Variants in SCAMP4 observed in about 807,000 individuals in gnomAD.
SCAMP4 encodes the protein secretory carrier-associated membrane protein 4.
SCAMP4 carries 19 observed loss-of-function variants against 32.1 expected under a neutral mutation model. The ratio of observed to expected loss-of-function variants is 0.59; its 90% CI spans 0.41 to 0.87. The LOEUF (loss-of-function observed/expected upper bound fraction) is 0.87, where lower values mean the gene tolerates loss of function less well. Ranked by LOEUF, SCAMP4 falls within the 40% of genes least tolerant of loss-of-function variation. SCAMP4 has a pLI of 0.00. For missense variants in SCAMP4, 302 were observed against 309.0 expected, an observed-to-expected ratio of 0.98 and a Z score of 0.17; for synonymous variants, 152 against 132.7, an observed-to-expected ratio of 1.15 and a Z score of -1.00.
chr19:1,906,850 C>G (rs79034979), intron 1 of SCAMP4: 1 of 66,396 alleles, frequency 1.5e-5, no homozygotes, highest in Non-Finnish European at 2.6e-5. Context: ...GACTCCGTCT[C>G]AAAAAAAAAA....
At chr19:1,921,315 G>C (rs1370480026) in intron 5 of SCAMP4, 1 of 985,344 alleles carries the variant, frequency 1.0e-6, no homozygotes, top group African/African-American at 1.7e-5. Flanking sequence ...CATGCCCGAG[G>C]CCATGAGCCA....
At position 1,918,272 on chromosome 19, in the gene SCAMP4, C is replaced by T. The variant is rs376049396; in HGVS notation, c.282C>T (p.Tyr94=). Residue 94 remains tyrosine (Y), a synonymous_variant, in exon 4 of 7, where the codon TAC becomes TAT. Transcript: ENST00000316097. Reference sequence around the variant, plus strand: ...ACGTGTGCTGGTTCCGGCCTGTCTACAAGGCCTTCCGGTGAGCAGAGCTGC... The same window carrying T: ...ACGTGTGCTGGTTCCGGCCTGTCTATAAGGCCTTCCGGTGAGCAGAGCTGC... ...CGYVCWFRPV[Y]KAFRADSSFN... 7.1e-5 allele frequency: 114 copies of T among 1,602,542 alleles called. 2 individuals carry two copies. The highest frequency in any genetic ancestry group is 2.5e-4 in the East Asian group (11 of 44,774).
At chr19:1,919,664 TTTC>T (rs1437644973) in intron 5 of SCAMP4, among the ~76,000 whole-genome samples, 1 of 150,390 alleles carries the variant, frequency 6.6e-6, no homozygotes, top group Non-Finnish European at 1.5e-5. Context: ...GCCTGGCTAA[TTTC>T]TTTTGTATTT....
intron 1 of SCAMP4, chr19:1,913,458 G>A (rs2013610425): frequency 4.1e-6 from 2 of 485,160 alleles, no homozygotes; most frequent in Non-Finnish European, 3.8e-6. Flanking sequence ...GTGGGTGTCT[G>A]TTAGGAGGTG....
rs1599260157 is a variant in SCAMP4 at position 1,924,380 on chromosome 19, C to A, written c.*96C>A. On this transcript the variant is annotated 3_prime_UTR_variant, in exon 7 of 7. Coordinates refer to ENST00000316097, the MANE Select transcript of SCAMP4 (RefSeq NM_079834.4). ...GGGCTGGGAGTACCTGGGGCCCCAT[C>A]CCCCCAGCTGGGATGGTGGAAGCCG... is the stretch of plus-strand genomic sequence containing the variant. 8.5e-7 allele frequency: 1 copy of A among 1,177,602 alleles called. No homozygotes were observed. Among genetic ancestry groups the A allele is most frequent in the Non-Finnish European group, 1.2e-6 (1 of 836,874 alleles). 72.9% of individuals were successfully genotyped at this position (1,177,602 alleles called of 1,614,324 possible).
intron 1 of SCAMP4, chr19:1,907,184 C>CAA (rs952315196): frequency 1.5e-5 from 2 of 135,308 alleles, no homozygotes; most frequent in Non-Finnish European, 1.6e-5. Flanking sequence ...GAGACTGTCC[C>CAA]AAAAAAAAAA....
Position 1,924,975 on chromosome 19 carries a change from T to G in SCAMP4, c.*691T>G, listed in dbSNP as rs1208333132. On this transcript the variant is annotated 3_prime_UTR_variant, in exon 7 of 7. Transcript: ENST00000316097. ...CAGGCTGTCTTTCCACGCCCCTGAG[T>G]TCAGAGTCGGGGACCCAGGCCAGGT... 6.6e-6 allele frequency: 1 copy of G among 152,326 alleles called. No individual in the cohort carries two copies. Among genetic ancestry groups the G allele is most frequent in the Admixed American group, 6.5e-5 (1 of 15,284 alleles). The allele number at this position is 152,326 out of a possible 1,614,324, so 9.4% of individuals were successfully genotyped here. A position where few individuals can be genotyped will look rare whatever the true frequency, so the allele number is the denominator to read the frequency against.
At chr19:1,921,311 C>T (rs1447439642) in intron 5 of SCAMP4, 4 of 985,322 alleles carry the variant, frequency 4.1e-6, no homozygotes, top group African/African-American at 1.7e-5. Flanking sequence ...GACGCATGCC[C>T]GAGGCCATGA....
chr19:1,919,263 C>T, intron 5 of SCAMP4: 1 of 1,309,580 alleles, frequency 7.6e-7, no homozygotes, highest in South Asian at 1.7e-5. Flanking sequence ...CAGCGCCCAG[C>T]CAGGCTTGTC....
chr19:1,914,889 A>C (rs2013676939), intron 1 of SCAMP4, 90 bp from the exon 2 acceptor site: 1 of 1,088,340 alleles, frequency 9.2e-7, no homozygotes, highest in African/African-American at 1.5e-5. Flanking sequence ...ACAGGGCACG[A>C]TGAAGGGCTT....
chr19:1,911,780 C>G lies in SCAMP4; in HGVS notation c.-41-3199C>G, dbSNP rs925322251. 6 of 361,416 alleles carry G rather than the reference C, an allele frequency of 1.7e-5. No homozygotes were observed. In the Admixed American group the frequency reaches 1.9e-4, roughly 11 times the overall value. The allele number at this position is 361,416 out of a possible 1,614,324, so 22.4% of individuals were successfully genotyped here. A position where few individuals can be genotyped will look rare whatever the true frequency, so the allele number is the denominator to read the frequency against. ...CCTGGGCGACAGCGAGACTCCGTCT[C>G]AGAAGTAAAAAAATAAAATAAAAAA... On this transcript the variant is annotated intron_variant, in intron 1 of 6. Coordinates refer to ENST00000316097, the MANE Select transcript of SCAMP4 (RefSeq NM_079834.4).
Position 1,924,143 on chromosome 19 carries a change from C to G in SCAMP4, c.549C>G (p.Phe183Leu), listed in dbSNP as rs754570833. ...TCTACCGAGGGGCTGGCGGAAGCTT[C>G]CAGAAGGCACAGACGGAGTGGAACA... ...HRIYRGAGGSFQKAQTEWNTG... is the reference protein window; with the variant it reads ...HRIYRGAGGSLQKAQTEWNTG... The change falls in exon 7 of 7, where the codon TTC (phenylalanine) becomes TTG (leucine). Residue 183 changes from phenylalanine to leucine, a missense_variant. Phe to Leu is a conservative substitution (Grantham distance 22, BLOSUM62 0). Transcript: ENST00000316097. 3 of 1,611,702 alleles carry G rather than the reference C, an allele frequency of 1.9e-6. No individual in the cohort carries two copies. Among genetic ancestry groups the G allele is most frequent in the Non-Finnish European group, 2.5e-6 (3 of 1,179,044 alleles).
Position 1,922,394 on chromosome 19 carries a change from C to T in SCAMP4, c.396-676C>T, listed in dbSNP as rs1279776640. On this transcript the variant is annotated intron_variant, in intron 5 of 6. Transcript: ENST00000316097. ...GGATTACAGGCATGCGCCCTCATGC[C>T]TGGCTAATTTTTGTATTTTTAGTAG... 12 of 693,386 alleles carry T rather than the reference C, an allele frequency of 1.7e-5. No individual in the cohort carries two copies. In the South Asian group the frequency reaches 6.5e-4, roughly 37 times the overall value. The allele number at this position is 693,386 out of a possible 1,614,324, so 43.0% of individuals were successfully genotyped here.
At chr19:1,906,983 C>T (rs867617093) in intron 1 of SCAMP4, 6 of 151,710 alleles carry the variant, frequency 4.0e-5, no homozygotes, top group African/African-American at 1.2e-4. Context: ...GTCAGGAGTT[C>T]GAGAGCAGCC....
intron 5 of SCAMP4, chr19:1,922,837 C>T: frequency 1.6e-6 from 2 of 1,245,306 alleles, no homozygotes; most frequent in South Asian, 2.5e-5. Context: ...TTTGTGTCCA[C>T]TGCACACGCG....
chr19:1,913,774 G>A (rs1447321800), intron 1 of SCAMP4, among the ~76,000 whole-genome samples: 1 of 152,240 alleles, frequency 6.6e-6, no homozygotes, highest in Non-Finnish European at 1.5e-5. Context: ...GTCGGTCACA[G>A]CACAGTGAGG....
At chr19:1,911,916 G>C (rs2013470975) in intron 1 of SCAMP4, 5 of 1,195,698 alleles carry the variant, frequency 4.2e-6, no homozygotes, top group Non-Finnish European at 5.5e-6. Context: ...AGGGAGTGTA[G>C]CTCTGATGCG....
intron 1 of SCAMP4, chr19:1,912,826 G>C: frequency 1.3e-6 from 2 of 1,591,028 alleles, no homozygotes; most frequent in Non-Finnish European, 1.7e-6. Context: ...TACGACTTCA[G>C]ACCCTTCCCC....
intron 5 of SCAMP4, chr19:1,919,639 G>GGTGTGT (rs1230355957): frequency 1.7e-5 from 3 of 177,476 alleles, no homozygotes. Flanking sequence ...TGGGACTACA[G>GGTGTGT]GCGCCCGCCA....
Sources: gnomAD v4.1 joint callset for allele counts (sites outside exome capture counted in the v4.1 genomes callset) on GRCh38, gnomAD v4.1.1 for gene constraint, MANE v1.5 for transcripts, NCBI Gene and HGNC (gene_info 2026-07-23, HGNC 2026-07-21) for gene names.